Variants in SNF8 observed in about 807,000 individuals in gnomAD.
The protein encoded by SNF8 is vacuolar-sorting protein SNF8.
In SNF8, 19 loss-of-function variants were observed where a neutral mutation model predicts 36.8. That is an observed-to-expected ratio of 0.52 (90% CI 0.36 to 0.76). The LOEUF is 0.76. Ranked by LOEUF, SNF8 falls within the 30% of genes least tolerant of loss-of-function variation. The pLI, the probability that SNF8 is intolerant of heterozygous loss-of-function variation, is 0.00. For synonymous variants in SNF8, 127 were observed against 127.4 expected, an observed-to-expected ratio of 1.00 and a Z score of 0.02; for missense variants, 268 against 322.9, an observed-to-expected ratio of 0.83 and a Z score of 1.30.
chr17:48,943,836 C>G lies in SNF8; in HGVS notation c.105+89G>C, dbSNP rs1052704245. On this transcript the variant is annotated intron_variant, in intron 2 of 7. Coordinates refer to ENST00000502492, the MANE Select transcript of SNF8 (RefSeq NM_007241.4). ...TTTGCCAAACACCCTATTTCTAGTT[C>G]AATCTACACAATCAAGTTCGTATCC... 12 of 1,186,506 alleles carry G rather than the reference C, an allele frequency of 1.0e-5. No homozygotes were observed. In the African/African-American group the frequency reaches 1.8e-4, roughly 18 times the overall value. 73.5% of individuals were successfully genotyped at this position (1,186,506 alleles called of 1,614,324 possible). A position where few individuals can be genotyped will look rare whatever the true frequency, so the allele number is the denominator to read the frequency against.
chr17:48,930,823 G>A (rs2040847813), intron 7 of SNF8, among the ~76,000 whole-genome samples: 1 of 152,224 alleles, frequency 6.6e-6, no homozygotes, highest in African/African-American at 2.4e-5. Flanking sequence ...CATTTAACTT[G>A]TGCTGCTGGG....
At chr17:48,938,091 A>G (rs2040962497) in intron 3 of SNF8, among the ~76,000 whole-genome samples, 1 of 152,212 alleles carries the variant, frequency 6.6e-6, no homozygotes, top group Non-Finnish European at 1.5e-5. Flanking sequence ...ACTAAGAGAA[A>G]GAATATGCAG....
At position 48,930,451 on chromosome 17, in the gene SNF8, T is replaced by C; in HGVS notation, c.*24A>G. On this transcript the variant is annotated 3_prime_UTR_variant, in exon 8 of 8. Transcript: ENST00000502492. ...CCACCTCCGCCTCCTCCCTGCCTGC[T>C]GCTGTGTGCCCTTCCACATGCAGTC... The C allele has an allele frequency of 6.5e-7, 1 of 1,540,458 alleles. No homozygotes were observed. The highest frequency in any genetic ancestry group is 2.3e-5 in the East Asian group (1 of 43,138).
In SNF8 at chr17:48,937,098, G is replaced by C; in HGVS notation, c.271C>G (p.Leu91Val). ...ASGKGFWSEMLGVGDFYYELG... is the reference protein window; with the variant it reads ...ASGKGFWSEMVGVGDFYYELG... ...TCGTAATAGAAGTCCCCCACGCCCA[G>C]CATCTCAGACCAAAATCCTTTTCCA... is the stretch of plus-strand genomic sequence containing the variant. The change falls in exon 4 of 8, where the codon CTG becomes GTG. Residue 91 changes from leucine (L) to valine (V), a missense_variant. Coordinates refer to ENST00000502492, the MANE Select transcript of SNF8 (RefSeq NM_007241.4). The C allele has an allele frequency of 6.2e-7, 1 of 1,614,094 alleles. No homozygotes were observed. Among genetic ancestry groups the C allele is most frequent in the South Asian group, 1.1e-5 (1 of 91,080 alleles).
At chr17:48,934,741 G>A (rs1598086136) in intron 5 of SNF8, among the ~76,000 whole-genome samples, 1 of 152,016 alleles carries the variant, frequency 6.6e-6, no homozygotes, top group South Asian at 2.1e-4. Flanking sequence ...TTTTTGTAGA[G>A]ACAAGGTCTC....
At chr17:48,936,589 G>A (rs927638079) in intron 4 of SNF8, 13 of 311,048 alleles carry the variant, frequency 4.2e-5, no homozygotes, top group South Asian at 1.2e-4. Context: ...ACCATTTAAC[G>A]TGCTTACTAA....
Position 48,929,540 on chromosome 17 carries a change from G to A in SNF8, c.*935C>T, listed in dbSNP as rs1266343827. 6.6e-6 allele frequency: 1 copy of A among 152,128 alleles called. No individual in the cohort carries two copies. Among genetic ancestry groups the A allele is most frequent in the Non-Finnish European group, 1.5e-5 (1 of 68,058 alleles). The allele number at this position is 152,128 out of a possible 1,614,324, so 9.4% of individuals were successfully genotyped here. The stretch of plus-strand genomic sequence containing the variant: ...TCATCACCACTTCTACTTGCTATAG[G>A]AGATTCTTGCTTTCTGATGCAGAGG... On this transcript the variant is annotated 3_prime_UTR_variant, in exon 8 of 8. Transcript: ENST00000502492.
chr17:48,935,382 G>A lies in SNF8; in HGVS notation c.422+788C>T, dbSNP rs564524729. On this transcript the variant is annotated intron_variant, in intron 5 of 7. Coordinates refer to ENST00000502492, the MANE Select transcript of SNF8 (RefSeq NM_007241.4). Reference sequence around the variant, plus strand: ...CAAAAAATTAGCCGGGCGTGGTGGCGGGCGCCTGTAGTCCCAGCTACTCGG... The same window carrying A: ...CAAAAAATTAGCCGGGCGTGGTGGCAGGCGCCTGTAGTCCCAGCTACTCGG... Among the ~76,000 whole-genome samples, 10 of 152,016 alleles carry A rather than the reference G, an allele frequency of 6.6e-5. No individual in the cohort carries two copies. In the East Asian group the frequency reaches 7.7e-4, roughly 12 times the overall value.
At chr17:48,931,510 C>T in intron 7 of SNF8, 133 bp downstream of exon 7, 1 of 726,716 alleles carries the variant, frequency 1.4e-6, no homozygotes. Flanking sequence ...GCTGGGCTTC[C>T]TTCTAGCATG....
rs2041082046 is a variant in SNF8, at chr17:48,944,786, G to C, written c.-52C>G. 1.3e-6 allele frequency: 2 copies of C among 1,537,396 alleles called. No individual in the cohort carries two copies. The highest frequency in any genetic ancestry group is 2.9e-5 in the African/African-American group (2 of 69,706). On this transcript the variant is annotated 5_prime_UTR_variant, in exon 1 of 8. Coordinates refer to ENST00000502492, the MANE Select transcript of SNF8 (RefSeq NM_007241.4). ...GGCTGCCGGGACCCCGGGTCTCCAC[G>C]TCCCGGACTCCGCCGCCGGCTCCCC...
chr17:48,938,667 A>G (rs1277108120), intron 3 of SNF8, among the ~76,000 whole-genome samples: 1 of 152,150 alleles, frequency 6.6e-6, no homozygotes, highest in Non-Finnish European at 1.5e-5. Context: ...CAGGAGATCA[A>G]GACCATCCTG....
chr17:48,936,258 G>T lies in SNF8; in HGVS notation c.350-16C>A. ...GTTATCAGACCTGTTTGGAGACAGG[G>T]AACAGAAATCAGAAAAAGAGATTAC... is the stretch of plus-strand genomic sequence containing the variant. On this transcript the variant is annotated splice_polypyrimidine_tract_variant and intron_variant, in intron 4 of 7. Coordinates refer to ENST00000502492, the MANE Select transcript of SNF8 (RefSeq NM_007241.4). 1.2e-6 allele frequency: 2 copies of T among 1,604,208 alleles called. No individual in the cohort carries two copies. The highest frequency in any genetic ancestry group is 2.2e-5 in the South Asian group (2 of 90,792).
intron 7 of SNF8, 149 bp downstream of exon 7, chr17:48,931,494 A>G: frequency 3.1e-6 from 2 of 646,892 alleles, no homozygotes; most frequent in Non-Finnish European, 2.7e-6. Context: ...CCATCTTCAG[A>G]GAAGTGCTGG....
chr17:48,931,785 C>T (rs2040863543), intron 6 of SNF8, 68 bp from the exon 7 acceptor site: 13 of 1,280,218 alleles, frequency 1.0e-5, no homozygotes, highest in Admixed American at 9.8e-5. Context: ...CAGGATCTGC[C>T]CAGGAACAAG....
chr17:48,938,426 G>A (rs1309675207), intron 3 of SNF8, among the ~76,000 whole-genome samples: 2 of 150,446 alleles, frequency 1.3e-5, no homozygotes, highest in African/African-American at 2.5e-5. Flanking sequence ...AACCTGGGTG[G>A]CGAAGGTTGC....
At position 48,944,784 on chromosome 17, in the gene SNF8, A is replaced by C; in HGVS notation, c.-50T>G. 1 of 1,541,150 alleles carries C rather than the reference A, an allele frequency of 6.5e-7. No individual in the cohort carries two copies. The highest frequency in any genetic ancestry group is 8.7e-7 in the Non-Finnish European group (1 of 1,153,712). ...CCGGCTGCCGGGACCCCGGGTCTCCACGTCCCGGACTCCGCCGCCGGCTCC... is the reference window on the plus strand; with the variant it reads ...CCGGCTGCCGGGACCCCGGGTCTCCCCGTCCCGGACTCCGCCGCCGGCTCC... On this transcript the variant is annotated 5_prime_UTR_variant, in exon 1 of 8. Coordinates refer to ENST00000502492, the MANE Select transcript of SNF8 (RefSeq NM_007241.4).
intron 3 of SNF8, chr17:48,937,440 C>T: frequency 2.5e-6 from 1 of 406,406 alleles, no homozygotes; most frequent in South Asian, 2.1e-5. Flanking sequence ...CCAGCCTGGC[C>T]AACATGGCAA....
rs762197820 is a variant in SNF8, at chr17:48,944,741, C to T, written c.-7G>A. 50 of 1,599,360 alleles carry T rather than the reference C, an allele frequency of 3.1e-5. No individual in the cohort carries two copies. The highest frequency in any genetic ancestry group is 6.8e-5 in the Admixed American group (4 of 58,788). ...CCACCCCGCGGCGGTGCATCCCCAC[C>T]CTGGGCCCGCGGGCCGCCCGGCTGC... is the stretch of plus-strand genomic sequence containing the variant. On this transcript the variant is annotated 5_prime_UTR_variant, in exon 1 of 8. Coordinates refer to ENST00000502492, the MANE Select transcript of SNF8 (RefSeq NM_007241.4).
Position 48,943,946 on chromosome 17 carries a change from C to T in SNF8, c.84G>A (p.Leu28=), listed in dbSNP as rs2041067110. The change falls in exon 2 of 8, where the codon TTG becomes TTA. Residue 28 remains leucine (L), a synonymous_variant. Transcript: ENST00000502492. ...TTACCTGGGCTAGCTGGTCCTCAGC[C>T]AAGACCGTCCCTCGCTCCTTATACT... ...EAKYKERGTV[L]AEDQLAQMSK... 6.2e-7 allele frequency: 1 copy of T among 1,613,898 alleles called. No individual in the cohort carries two copies. The highest frequency in any genetic ancestry group is 1.7e-5 in the Admixed American group (1 of 59,986).
Sources: allele counts gnomAD v4.1 joint callset (sites outside exome capture counted in the v4.1 genomes callset), GRCh38; gene constraint gnomAD v4.1.1; transcripts MANE v1.5; gene names NCBI Gene and HGNC (gene_info 2026-07-23, HGNC 2026-07-21).